SCAPER: variants seen among roughly 807,000 people sequenced by gnomAD.
SCAPER encodes the protein S-phase cyclin A associated protein in the ER, also known as S phase cyclin A-associated protein in the endoplasmic reticulum.
A neutral mutation model predicts 182.2 loss-of-function variants in SCAPER; 98 were observed. That is an observed-to-expected ratio of 0.54 (90% CI 0.46 to 0.64). The LOEUF is 0.64. Among genes scored for constraint, SCAPER ranks in the 30% least tolerant of loss-of-function variants. SCAPER has a pLI of 0.00. For missense variants in SCAPER, 1,432 were observed against 1,690.0 expected, an observed-to-expected ratio of 0.85 and a Z score of 2.68; for synonymous variants, 605 against 564.6, an observed-to-expected ratio of 1.07 and a Z score of -1.01.
Position 76,652,371 on chromosome 15 carries a change from C to G in SCAPER, c.2645+13282G>C, listed in dbSNP as rs55694540. ...ACACACACACACACACACACACACACATATATATATATATATATATATATA... is the reference window on the plus strand; with the variant it reads ...ACACACACACACACACACACACACAGATATATATATATATATATATATATA... On this transcript the variant is annotated intron_variant, in intron 21 of 31. Coordinates refer to ENST00000563290, the MANE Select transcript of SCAPER (RefSeq NM_020843.4). Among the ~76,000 whole-genome samples, 6 of 8,066 alleles carry G rather than the reference C, an allele frequency of 7.4e-4. 1 individual carries two copies. The East Asian group carries it at 0.021, about 28-fold the overall frequency. 5.3% of individuals were successfully genotyped at this position (8,066 alleles called of 152,430 possible). A position where few individuals can be genotyped will look rare whatever the true frequency, so the allele number is the denominator to read the frequency against.
intron 5 of SCAPER, among the ~76,000 whole-genome samples, chr15:76,821,003 G>A (rs558048746): frequency 1.2e-4 from 19 of 152,300 alleles, no homozygotes; most frequent in African/African-American, 4.6e-4. Context: ...GTAGAGCAAT[G>A]GGAACACTCA....
In SCAPER at chr15:76,882,137, G is replaced by A. The variant is rs2073583136; in HGVS notation, c.6+1675C>T. 2.0e-5 allele frequency among the ~76,000 whole-genome samples: 3 copies of A among 152,250 alleles called. 1 individual carries two copies. In the South Asian group the frequency reaches 6.2e-4, roughly 32 times the overall value. On this transcript the variant is annotated intron_variant, in intron 2 of 31. Transcript: ENST00000563290. The stretch of plus-strand genomic sequence containing the variant: ...AGACCAGGCATAGTAGCTCATGCCT[G>A]TAATCCCAGCCCTGTGGAAGAAGGC...
chr15:76,555,337 A>G (rs989948042), intron 23 of SCAPER, among the ~76,000 whole-genome samples: 1 of 152,330 alleles, frequency 6.6e-6, no homozygotes, highest in South Asian at 2.1e-4. Context: ...AGTATGCATA[A>G]TAACTAGCTA....
intron 15 of SCAPER, among the ~76,000 whole-genome samples, chr15:76,735,170 A>T (rs2061172340): frequency 1.3e-5 from 2 of 151,864 alleles, no homozygotes; most frequent in South Asian, 4.2e-4. Flanking sequence ...ATGTAAAATG[A>T]CTATCTCTAT....
intron 4 of SCAPER, among the ~76,000 whole-genome samples, chr15:76,843,845 A>T (rs1468183577): frequency 6.6e-6 from 1 of 152,178 alleles, no homozygotes; most frequent in Admixed American, 6.5e-5. Context: ...GAGTTTTAAA[A>T]TATAGGGCTC....
intron 14 of SCAPER, among the ~76,000 whole-genome samples, chr15:76,762,677 G>A (rs992345214): frequency 6.6e-6 from 1 of 152,012 alleles, no homozygotes; most frequent in Non-Finnish European, 1.5e-5. Context: ...GTAACAGGAT[G>A]CGGCTCTATT....
intron 1 of SCAPER, among the ~76,000 whole-genome samples, chr15:76,889,289 C>T (rs1417108593): frequency 6.6e-6 from 1 of 152,048 alleles, no homozygotes; most frequent in Non-Finnish European, 1.5e-5. Flanking sequence ...AAATAACCAG[C>T]TAACATAATG....
intron 4 of SCAPER, among the ~76,000 whole-genome samples, chr15:76,849,110 C>T (rs2070448720): frequency 6.6e-6 from 1 of 152,144 alleles, no homozygotes; most frequent in Admixed American, 6.5e-5. Context: ...AGGAGACCAA[C>T]CTCTCCTCCC....
chr15:76,692,803 A>T (rs2058448860), intron 20 of SCAPER, among the ~76,000 whole-genome samples: 1 of 151,974 alleles, frequency 6.6e-6, no homozygotes, highest in Non-Finnish European at 1.5e-5. Context: ...AAAGGAAAAA[A>T]AAAGTCAAAT....
chr15:76,811,165 C>T (rs376511342), intron 5 of SCAPER, among the ~76,000 whole-genome samples: 9 of 140,826 alleles, frequency 6.4e-5, no homozygotes, highest in Admixed American at 6.3e-4. Flanking sequence ...ACCAAATAAA[C>T]TTAACAAACA....
chr15:76,397,197 T>A (rs1293050797), intron 27 of SCAPER, among the ~76,000 whole-genome samples: 2 of 152,150 alleles, frequency 1.3e-5, no homozygotes, highest in Non-Finnish European at 2.9e-5. Flanking sequence ...TCATAATGAA[T>A]GATCTTTTTT....
At chr15:76,585,193 T>A (rs963976405) in intron 22 of SCAPER, among the ~76,000 whole-genome samples, 2 of 152,156 alleles carry the variant, frequency 1.3e-5, no homozygotes, top group African/African-American at 4.8e-5. Flanking sequence ...TTTTCAGAGC[T>A]TTGGGAGGTT....
At chr15:76,686,959 T>C (rs2058069938) in intron 20 of SCAPER, among the ~76,000 whole-genome samples, 1 of 152,122 alleles carries the variant, frequency 6.6e-6, no homozygotes, top group South Asian at 2.1e-4. Context: ...TAGGTTTGCA[T>C]ATTAATACCA....
chr15:76,756,002 C>T (rs2062400611), intron 14 of SCAPER, among the ~76,000 whole-genome samples: 1 of 152,064 alleles, frequency 6.6e-6, no homozygotes, highest in African/African-American at 2.4e-5. Flanking sequence ...GCCTGTAATC[C>T]CAGTATTTGG....
chr15:76,857,840 G>A lies in SCAPER; in HGVS notation c.164C>T (p.Thr55Ile). The A allele has an allele frequency of 1.3e-6, 2 of 1,546,744 alleles. No homozygotes were observed. The highest frequency in any genetic ancestry group is 1.2e-5 in the South Asian group (1 of 83,160). ...KCQTGGKSKRTIQGTHKTTKQ... is the reference protein window; with the variant it reads ...KCQTGGKSKRIIQGTHKTTKQ... ...AGTAGTTTTATGAGTGCCTTGAATG[G>A]TCCTCTTAGATTTTCCACCAGTTTG... The change falls in exon 4 of 32, where the codon ACC (threonine) becomes ATC (isoleucine). Residue 55 changes from threonine (T) to isoleucine (I), a missense_variant. Thr to Ile is a moderately conservative substitution (Grantham distance 89). This residue lies in a region of SCAPER where 480 missense variants were observed against 510.2 expected (regional missense o/e 0.94). Coordinates refer to ENST00000563290, the MANE Select transcript of SCAPER (RefSeq NM_020843.4).
chr15:76,563,060 C>G (rs2046765787), intron 23 of SCAPER, among the ~76,000 whole-genome samples: 1 of 151,968 alleles, frequency 6.6e-6, no homozygotes, highest in South Asian at 2.1e-4. Context: ...AGTGATAAAA[C>G]CATAAAGAAA....
At chr15:76,410,587 C>T (rs1174230755) in intron 26 of SCAPER, among the ~76,000 whole-genome samples, 1 of 152,146 alleles carries the variant, frequency 6.6e-6, no homozygotes, top group African/African-American at 2.4e-5. Flanking sequence ...AGTCCTAAAT[C>T]CTTCTTGCTT....
In SCAPER at chr15:76,603,789, G is replaced by A. The variant is rs1243522798; in HGVS notation, c.2711+17975C>T. On this transcript the variant is annotated intron_variant, in intron 22 of 31. Transcript: ENST00000563290. ...CATTTCTCTGATGGACAGTGATGAT[G>A]AGCATTTTTTCATGTGTCTGTTGGC... is the stretch of plus-strand genomic sequence containing the variant. 1.6e-5 allele frequency among the ~76,000 whole-genome samples: 2 copies of A among 122,248 alleles called. 1 individual carries two copies. The highest frequency in any genetic ancestry group is 4.0e-5 in the Non-Finnish European group (2 of 50,274). The allele number at this position is 122,248 out of a possible 152,430, so 80.2% of individuals were successfully genotyped here.
At chr15:76,452,907 T>G (rs1340183605) in intron 25 of SCAPER, among the ~76,000 whole-genome samples, 1 of 152,192 alleles carries the variant, frequency 6.6e-6, no homozygotes, top group Non-Finnish European at 1.5e-5. Context: ...TATAGCCTAC[T>G]GCAACCTCAA....
Sources: gnomAD v4.1 joint callset for allele counts (sites outside exome capture counted in the v4.1 genomes callset) on GRCh38, gnomAD v4.1.1 for gene constraint, gnomAD v4.1.1 regional missense constraint, MANE v1.5 for transcripts, NCBI Gene and HGNC (gene_info 2026-07-23, HGNC 2026-07-21) for gene names.